PRPF39: variants seen among roughly 807,000 people sequenced by gnomAD.
PRPF39 encodes the protein pre-mRNA processing factor 39.
Under a neutral mutation model 82.1 loss-of-function variants are expected in PRPF39, and 27 were observed. The ratio of observed to expected loss-of-function variants is 0.33; its 90% confidence interval spans 0.24 to 0.45. The LOEUF is 0.45. Among genes scored for constraint, PRPF39 ranks in the 20% least tolerant of loss-of-function variants. PRPF39 has a pLI of 1.00. For synonymous variants in PRPF39, 261 were observed against 256.4 expected (o/e 1.02, Z -0.17); for missense variants, 581 against 796.9 (o/e 0.73, Z 3.26).
intron 5 of PRPF39, 69 bp from the exon 6 acceptor site, chr14:45,107,382 T>C (rs754734528): frequency 8.7e-5 from 103 of 1,179,576 alleles, no homozygotes; most frequent in Non-Finnish European, 1.2e-4. Context: ...GAGTAGTATA[T>C]AGTAGGAATC....
chr14:45,111,631 C>CTTTTTT (rs58863567), intron 10 of PRPF39, among the ~76,000 whole-genome samples: 12 of 58,802 alleles, frequency 2.0e-4, no homozygotes, highest in African/African-American at 6.9e-4. Context: ...TGCACCTGGG[C>CTTTTTT]TTTTTTTTTT....
intron 3 of PRPF39, chr14:45,096,680 A>T (rs1884211224): frequency 6.6e-7 from 1 of 1,513,618 alleles, no homozygotes; most frequent in Non-Finnish European, 8.8e-7. Flanking sequence ...GAATGCAGGG[A>T]CTGCTGCGCT....
At chr14:45,094,759 T>G (rs1035402279) in intron 1 of PRPF39, among the ~76,000 whole-genome samples, 12 of 152,210 alleles carry the variant, frequency 7.9e-5, no homozygotes, top group African/African-American at 2.9e-4. Flanking sequence ...GTGATGAGCT[T>G]CCTTTTGAAA....
chr14:45,091,358 T>G (rs1304445533), intron 1 of PRPF39, among the ~76,000 whole-genome samples: 2 of 152,114 alleles, frequency 1.3e-5, no homozygotes, highest in Non-Finnish European at 2.9e-5. Context: ...CCCAGGCTGG[T>G]CTGGAACATC....
At chr14:45,104,108 A>ACAGTATG (rs1357185615) in intron 5 of PRPF39, among the ~76,000 whole-genome samples, 1 of 152,134 alleles carries the variant, frequency 6.6e-6, no homozygotes, top group Non-Finnish European at 1.5e-5. Context: ...TGGAACTTAG[A>ACAGTATG]CAGTATGGCC....
intron 5 of PRPF39, among the ~76,000 whole-genome samples, chr14:45,105,191 ACTG>A (rs1167877443): frequency 3.3e-5 from 5 of 152,208 alleles, no homozygotes; most frequent in African/African-American, 1.2e-4. Context: ...CTGAAAAAAT[ACTG>A]CTTAATATTA....
chr14:45,105,635 T>C (rs1884505875), intron 5 of PRPF39, among the ~76,000 whole-genome samples: 1 of 151,330 alleles, frequency 6.6e-6, no homozygotes. Context: ...CAAGTGATTC[T>C]CCTGCCTCAG....
In PRPF39 at chr14:45,103,668, G is replaced by C. The variant is rs535262691; in HGVS notation, c.737+972G>C. On this transcript the variant is annotated intron_variant, in intron 5 of 13. Coordinates refer to ENST00000355765, the MANE Select transcript of PRPF39 (RefSeq NM_017922.4). ...TATTCTCTCTGCTCTTGATGAAATA[G>C]AGGAAGCAGGCAGGTTTCTAAGGTA... Among the ~76,000 whole-genome samples the C allele has an allele frequency of 2.0e-5, 3 of 152,240 alleles. No individual in the cohort carries two copies. The South Asian group carries it at 6.2e-4, about 32-fold the overall frequency.
At position 45,102,698 on chromosome 14, in the gene PRPF39, T is replaced by C; in HGVS notation, c.737+2T>C. ...GCTGTATAGTCATCATTTTCAGAGGTAGGTGGGAAATTCTGATCATTGAAA... is the reference window on the plus strand; with the variant it reads ...GCTGTATAGTCATCATTTTCAGAGGCAGGTGGGAAATTCTGATCATTGAAA... On this transcript the variant is annotated splice_donor_variant, in intron 5 of 13. Transcript: ENST00000355765. LOFTEE classifies it high-confidence loss of function. 6.3e-7 allele frequency: 1 copy of C among 1,587,650 alleles called. No homozygotes were observed. Among genetic ancestry groups the C allele is most frequent in the Non-Finnish European group, 8.6e-7 (1 of 1,168,694 alleles).
chr14:45,094,247 C>T (rs1000477384), intron 1 of PRPF39, among the ~76,000 whole-genome samples: 2 of 151,906 alleles, frequency 1.3e-5, no homozygotes, highest in Non-Finnish European at 2.9e-5. Flanking sequence ...ATTTGGTTTC[C>T]ATTTAAGCTG....
At chr14:45,104,750 G>C (rs1478687266) in intron 5 of PRPF39, among the ~76,000 whole-genome samples, 3 of 152,106 alleles carry the variant, frequency 2.0e-5, no homozygotes, top group Non-Finnish European at 2.9e-5. Flanking sequence ...TTGTGATCTG[G>C]TCTAACATCC....
rs530771420 is a variant in PRPF39 at position 45,096,116 on chromosome 14, C to T, written c.338C>T (p.Ala113Val). ...TATTTTTATCAGAATCACTTGATGG[C>T]TGCCAGGAAGGCATTTGACAGATTT... ...QYVEQENHLM[A>V]ARKAFDRFFI... The change falls in exon 3 of 14, where the codon GCT becomes GTT. Residue 113 changes from alanine (A) to valine (V), a missense_variant. Ala to Val is a moderately conservative substitution (Grantham distance 64). Coordinates refer to ENST00000355765, the MANE Select transcript of PRPF39 (RefSeq NM_017922.4). The T allele has an allele frequency of 2.5e-6, 4 of 1,572,502 alleles. No individual in the cohort carries two copies. Among genetic ancestry groups the T allele is most frequent in the Non-Finnish European group, 3.5e-6 (4 of 1,157,690 alleles).
In PRPF39 at chr14:45,095,273, T is replaced by A; in HGVS notation, c.34T>A (p.Ser12Thr). 6.2e-7 allele frequency: 1 copy of A among 1,603,966 alleles called. No individual in the cohort carries two copies. The highest frequency in any genetic ancestry group is 1.1e-5 in the South Asian group (1 of 90,260). Residue 12 changes from serine to threonine, a missense_variant, in exon 2 of 14, where the codon TCT (serine) becomes ACT (threonine). By Grantham distance (58) the Ser-to-Thr change is moderately conservative (BLOSUM62 1). Transcript: ENST00000355765. The stretch of plus-strand genomic sequence containing the variant: ...TTCTCACATGGATGAATACAGAAAT[T>A]CTAGTAATGGCAGCACAGGCAACAG... ...QNSHMDEYRN[S>T]SNGSTGNSSE...
Position 45,096,236 on chromosome 14 carries a change from C to A in PRPF39, c.450+8C>A. 6.4e-7 allele frequency: 1 copy of A among 1,564,594 alleles called. No individual in the cohort carries two copies. Among genetic ancestry groups the A allele is most frequent in the African/African-American group, 1.4e-5 (1 of 72,820 alleles). Reference sequence around the variant, plus strand: ...ATTAAACCATCAGATGAGGTGCGTACATCACTGAATAAACTTATCTCCAAT... The same window carrying A: ...ATTAAACCATCAGATGAGGTGCGTAAATCACTGAATAAACTTATCTCCAAT... On this transcript the variant is annotated splice_region_variant and intron_variant, in intron 3 of 13. Coordinates refer to ENST00000355765, the MANE Select transcript of PRPF39 (RefSeq NM_017922.4).
intron 4 of PRPF39, among the ~76,000 whole-genome samples, chr14:45,097,295 C>G (rs927184757): frequency 6.6e-6 from 1 of 151,136 alleles, no homozygotes; most frequent in African/African-American, 2.4e-5. Flanking sequence ...TCATACTGCT[C>G]TTTGACTTTT....
chr14:45,105,463 C>T (rs538160826), intron 5 of PRPF39, among the ~76,000 whole-genome samples: 2 of 150,854 alleles, frequency 1.3e-5, no homozygotes, highest in East Asian at 1.9e-4. Flanking sequence ...TGAAATGGGC[C>T]GTTAGCCTCT....
At chr14:45,096,356 T>C in intron 3 of PRPF39, 128 bp downstream of exon 3, 8 of 1,529,770 alleles carry the variant, frequency 5.2e-6, no homozygotes, top group South Asian at 1.2e-5. Flanking sequence ...ACAATTTTTA[T>C]AGGGTATTTA....
intron 1 of PRPF39, among the ~76,000 whole-genome samples, chr14:45,088,876 T>C (rs2139034761): frequency 6.6e-6 from 1 of 152,358 alleles, no homozygotes; most frequent in Non-Finnish European, 1.5e-5. Flanking sequence ...ACTTTTACTA[T>C]GCAAAGCACT....
chr14:45,093,815 A>G (rs946816036), intron 1 of PRPF39, among the ~76,000 whole-genome samples: 1 of 151,320 alleles, frequency 6.6e-6, no homozygotes, highest in African/African-American at 2.4e-5. Flanking sequence ...TCAGCCTCCC[A>G]AAGTGCTGGG....
Sources: gnomAD v4.1 joint callset for allele counts (sites outside exome capture counted in the v4.1 genomes callset) on GRCh38, gnomAD v4.1.1 for gene constraint, MANE v1.5 for transcripts, NCBI Gene and HGNC (gene_info 2026-07-23, HGNC 2026-07-21) for gene names.